Variants in ASAP1 observed in about 807,000 individuals in gnomAD.
ASAP1 encodes the protein ArfGAP with SH3 domain, ankyrin repeat and PH domain 1, also known as arf-GAP with SH3 domain, ANK repeat and PH domain-containing protein 1.
Under a neutral mutation model 145.2 loss-of-function variants are expected in ASAP1, and 43 were observed. The ratio of observed to expected loss-of-function variants is 0.30; its 90% CI spans 0.23 to 0.38. ASAP1 has a LOEUF of 0.38. Ranked by LOEUF, ASAP1 falls within the 10% of genes least tolerant of loss-of-function variation. ASAP1 has a pLI of 1.00. For missense variants in ASAP1, 1,018 were observed against 1,355.3 expected (o/e 0.75, Z 3.91); for synonymous variants, 546 against 515.5 (o/e 1.06, Z -0.80).
At position 130,313,306 on chromosome 8, in the gene ASAP1, T is replaced by TA. The variant is rs76786135; in HGVS notation, c.186+44710dup. On this transcript the variant is annotated intron_variant, in intron 3 of 29. Coordinates refer to ENST00000518721, the MANE Select transcript of ASAP1 (RefSeq NM_018482.4). ...AACAAAATAAAATAACATAACCGTTTAAAAAAAAAAAAAACTTTTAAAAGG... is the reference window on the plus strand; with the variant it reads ...AACAAAATAAAATAACATAACCGTTTAAAAAAAAAAAAAAACTTTTAAAAGG... 2.7e-3 allele frequency among the ~76,000 whole-genome samples: 377 copies of TA among 141,856 alleles called. 1 individual carries two copies. The highest frequency in any genetic ancestry group is 3.3e-3 in the African/African-American group (129 of 38,724). The allele number at this position is 141,856 out of a possible 152,430, so 93.1% of individuals were successfully genotyped here. A position where few individuals can be genotyped will look rare whatever the true frequency, so the allele number is the denominator to read the frequency against.
intron 1 of ASAP1, among the ~76,000 whole-genome samples, chr8:130,427,374 G>T (rs1014201440): frequency 1.3e-5 from 2 of 152,114 alleles, no homozygotes; most frequent in Non-Finnish European, 2.9e-5. Flanking sequence ...CCCTTCCAAA[G>T]GCCAGCTCTC....
At chr8:130,231,391 T>C (rs1191773177) in intron 4 of ASAP1, among the ~76,000 whole-genome samples, 1 of 152,182 alleles carries the variant, frequency 6.6e-6, no homozygotes. Flanking sequence ...ACCACTGTCA[T>C]TTTTTTCCTG....
intron 3 of ASAP1, among the ~76,000 whole-genome samples, chr8:130,248,179 T>A (rs1818967718): frequency 6.6e-6 from 1 of 151,776 alleles, no homozygotes; most frequent in Admixed American, 6.6e-5. Context: ...CATTGAGAGG[T>A]CACTCAAGCA....
chr8:130,185,729 C>CAA (rs778486303), intron 7 of ASAP1, among the ~76,000 whole-genome samples: 1,755 of 56,986 alleles, frequency 0.031, 45 homozygotes, highest in East Asian at 0.08. Flanking sequence ...AACTCCGCCT[C>CAA]AAAAAAAAAA....
At chr8:130,364,782 T>G (rs2138226625) in intron 2 of ASAP1, among the ~76,000 whole-genome samples, 1 of 152,252 alleles carries the variant, frequency 6.6e-6, no homozygotes, top group East Asian at 1.9e-4. Flanking sequence ...GAGGAGAAAC[T>G]GAGAACTTCC....
chr8:130,261,998 T>C (rs747437952), intron 3 of ASAP1, among the ~76,000 whole-genome samples: 9 of 151,986 alleles, frequency 5.9e-5, no homozygotes, highest in Non-Finnish European at 1.3e-4. Flanking sequence ...TATATAAATA[T>C]ATGGAGAATA....
At chr8:130,365,389 G>A (rs1158629218) in intron 2 of ASAP1, among the ~76,000 whole-genome samples, 2 of 152,142 alleles carry the variant, frequency 1.3e-5, no homozygotes, top group African/African-American at 2.4e-5. Context: ...CCTTTTATGA[G>A]CTACATCATT....
At chr8:130,215,465 C>T (rs575041693) in intron 4 of ASAP1, among the ~76,000 whole-genome samples, 12 of 151,542 alleles carry the variant, frequency 7.9e-5, no homozygotes, top group South Asian at 2.1e-4. Context: ...GGTGTAGGGC[C>T]GGGAGCGGTG....
At chr8:130,105,496 A>G (rs745320526) in intron 24 of ASAP1, among the ~76,000 whole-genome samples, 1 of 152,168 alleles carries the variant, frequency 6.6e-6, no homozygotes, top group Non-Finnish European at 1.5e-5. Context: ...TTTAAAATCT[A>G]TTCTCTTAGC....
intron 3 of ASAP1, among the ~76,000 whole-genome samples, chr8:130,336,092 T>TGG (rs1258100871): frequency 1.3e-5 from 2 of 152,122 alleles, no homozygotes; most frequent in African/African-American, 4.8e-5. Context: ...GATAGACACC[T>TGG]GGGATTAAGA....
chr8:130,093,336 C>G (rs1564950256), intron 24 of ASAP1, among the ~76,000 whole-genome samples: 1 of 152,194 alleles, frequency 6.6e-6, no homozygotes, highest in Middle Eastern at 3.4e-3. Context: ...TATGGTTTAA[C>G]TGTGTTCATG....
chr8:130,074,509 C>T (rs1160718487), intron 27 of ASAP1, among the ~76,000 whole-genome samples: 9 of 147,638 alleles, frequency 6.1e-5, no homozygotes, highest in Admixed American at 5.4e-4. Context: ...AGTAGAGCAA[C>T]GGGGTGGTGG....
chr8:130,245,532 C>G (rs1265345735), intron 3 of ASAP1, among the ~76,000 whole-genome samples: 2 of 152,144 alleles, frequency 1.3e-5, no homozygotes, highest in African/African-American at 4.8e-5. Flanking sequence ...CTAAACAATT[C>G]TAAGGATTTA....
chr8:130,295,036 G>C (rs55637017), intron 3 of ASAP1, among the ~76,000 whole-genome samples: 4,022 of 152,272 alleles, frequency 0.026, 64 homozygotes, highest in Middle Eastern at 0.044. Context: ...GGCTGAGGTG[G>C]GAGGATTGCT....
chr8:130,298,514 C>T (rs1046192281), intron 3 of ASAP1, among the ~76,000 whole-genome samples: 3 of 152,160 alleles, frequency 2.0e-5, no homozygotes, highest in Admixed American at 6.5e-5. Flanking sequence ...TATGCTTTCC[C>T]TCTCCAATCC....
At chr8:130,331,784 A>T (rs1824707855) in intron 3 of ASAP1, among the ~76,000 whole-genome samples, 1 of 152,178 alleles carries the variant, frequency 6.6e-6, no homozygotes. Flanking sequence ...AAATTCACAG[A>T]CATATCTAGA....
chr8:130,120,744 C>T (rs1049125350), intron 18 of ASAP1, among the ~76,000 whole-genome samples: 2 of 152,192 alleles, frequency 1.3e-5, no homozygotes, highest in Non-Finnish European at 2.9e-5. Context: ...TCACCTCTAC[C>T]CTTAGGTCTC....
chr8:130,294,841 C>T (rs769512817), intron 3 of ASAP1, among the ~76,000 whole-genome samples: 6 of 152,160 alleles, frequency 3.9e-5, no homozygotes, highest in Non-Finnish European at 8.8e-5. Flanking sequence ...TGGAAGAAAA[C>T]AGAAGCCATT....
intron 13 of ASAP1, among the ~76,000 whole-genome samples, chr8:130,143,195 A>C (rs985589528): frequency 2.0e-5 from 3 of 152,216 alleles, no homozygotes; most frequent in African/African-American, 4.8e-5. Flanking sequence ...ACACTTTTCA[A>C]AGCTGACAAT....
Sources: allele counts gnomAD v4.1 joint callset (sites outside exome capture counted in the v4.1 genomes callset), GRCh38; gene constraint gnomAD v4.1.1; transcripts MANE v1.5; gene names NCBI Gene and HGNC (gene_info 2026-07-23, HGNC 2026-07-21).